PTPN13: variants seen among roughly 807,000 people sequenced by gnomAD.
The protein encoded by PTPN13 is protein tyrosine phosphatase non-receptor type 13.
In PTPN13, 191 loss-of-function variants were observed where a neutral mutation model predicts 284.0. The ratio of observed to expected loss-of-function variants is 0.67; its 90% CI spans 0.60 to 0.76. PTPN13 has a LOEUF of 0.76. Ranked by LOEUF, PTPN13 falls within the 30% of genes least tolerant of loss-of-function variation. The pLI is 0.00. For missense variants in PTPN13, 2,797 were observed against 2,939.9 expected (o/e 0.95, Z 1.12); for synonymous variants, 986 against 1,022.3 (o/e 0.96, Z 0.68).
rs1384189810 is a variant in PTPN13, at chr4:86,745,110, C to T, written c.2632C>T (p.Gln878Ter). Reference protein sequence around the residue: ...QLQMRARQSNQDAQDIERASF... With the variant: ...QLQMRARQSN Reference sequence around the variant, plus strand: ...ACAGATGAGAGCAAGACAGAGCAACCAAGATGCCCAAGATATTGGTAAGGA... The same window carrying T: ...ACAGATGAGAGCAAGACAGAGCAACTAAGATGCCCAAGATATTGGTAAGGA... The change falls in exon 17 of 48, where the codon CAA becomes TAA. Residue 878 changes from glutamine to a stop codon, truncating the protein, a stop_gained. Coordinates refer to ENST00000411767, the MANE Select transcript of PTPN13 (RefSeq NM_080683.3). LOFTEE classifies it high-confidence loss of function. 2 of 1,610,110 alleles carry T rather than the reference C, an allele frequency of 1.2e-6. No homozygotes were observed. The highest frequency in any genetic ancestry group is 1.7e-6 in the Non-Finnish European group (2 of 1,178,600).
intron 7 of PTPN13, among the ~76,000 whole-genome samples, chr4:86,705,862 G>C (rs1731706451): frequency 6.6e-6 from 1 of 151,362 alleles, no homozygotes. Context: ...CACATTCCTT[G>C]AGCTGATATA....
rs375884235 is a variant in PTPN13 at position 86,716,621 on chromosome 4, A to G, written c.1287A>G (p.Arg429=). Reference sequence around the variant, plus strand: ...TTATTTCCTCTGAATCAGATTTCAGACAAGGTAGGAGGCATCTGAAACAAG... The same window carrying G: ...TTATTTCCTCTGAATCAGATTTCAGGCAAGGTAGGAGGCATCTGAAACAAG... ...PSIISSESDF[R]QVRRSEASKR... The change falls in exon 8 of 48, where the codon AGA becomes AGG. Residue 429 remains arginine, a synonymous_variant. Transcript: ENST00000411767. 9 of 1,573,578 alleles carry G rather than the reference A, an allele frequency of 5.7e-6. No individual in the cohort carries two copies. Among genetic ancestry groups the G allele is most frequent in the Admixed American group, 1.8e-5 (1 of 55,944 alleles).
chr4:86,611,735 G>T (rs1719909868), intron 1 of PTPN13, among the ~76,000 whole-genome samples: 1 of 152,198 alleles, frequency 6.6e-6, no homozygotes, highest in Non-Finnish European at 1.5e-5. Context: ...AGGAGATGGA[G>T]CTGAAAGTCT....
At position 86,809,889 on chromosome 4, in the gene PTPN13, G is replaced by A. The variant is rs367859742; in HGVS notation, c.7204G>A (p.Gly2402Ser). ...CTACATGAGACACATCCACAGATCA[G>A]GCCCAATCATTACGCACTGCAGTGC... ...ISYMRHIHRS[G>S]PIITHCSAGI... Residue 2402 changes from glycine (G) to serine (S), a missense_variant, in exon 46 of 48, where the codon GGC becomes AGC. By Grantham distance (56) the Gly-to-Ser change is moderately conservative. Coordinates refer to ENST00000411767, the MANE Select transcript of PTPN13 (RefSeq NM_080683.3). 1 of 1,613,884 alleles carries A rather than the reference G, an allele frequency of 6.2e-7. No homozygotes were observed. Among genetic ancestry groups the A allele is most frequent in the African/African-American group, 1.3e-5 (1 of 74,926 alleles).
chr4:86,762,065 C>G (rs542590828), intron 23 of PTPN13, among the ~76,000 whole-genome samples: 1 of 152,336 alleles, frequency 6.6e-6, no homozygotes, highest in Non-Finnish European at 1.5e-5. Flanking sequence ...CTCCGCCTCC[C>G]AGGTTCAAGT....
intron 20 of PTPN13, among the ~76,000 whole-genome samples, chr4:86,755,671 G>A (rs1268897682): frequency 6.6e-6 from 1 of 151,966 alleles, no homozygotes; most frequent in Non-Finnish European, 1.5e-5. Context: ...ACAGTATTCA[G>A]TAAATTACAT....
intron 1 of PTPN13, among the ~76,000 whole-genome samples, chr4:86,595,402 A>C (rs1578215321): frequency 1.3e-5 from 2 of 152,086 alleles, no homozygotes; most frequent in Non-Finnish European, 2.9e-5. Flanking sequence ...CGCTTTGCTC[A>C]TTACGTGATA....
In PTPN13 at chr4:86,689,192, T is replaced by C; in HGVS notation, c.546+2T>C. 6.2e-7 allele frequency: 1 copy of C among 1,608,376 alleles called. No individual in the cohort carries two copies. The highest frequency in any genetic ancestry group is 8.5e-7 in the Non-Finnish European group (1 of 1,175,036). Reference sequence around the variant, plus strand: ...CTGGTTCTGGGAAATCTTTCTGGGGTAAGCTACAGTTACAATAGTAAATAT... The same window carrying C: ...CTGGTTCTGGGAAATCTTTCTGGGGCAAGCTACAGTTACAATAGTAAATAT... On this transcript the variant is annotated splice_donor_variant, in intron 5 of 47. Coordinates refer to ENST00000411767, the MANE Select transcript of PTPN13 (RefSeq NM_080683.3). LOFTEE classifies it high-confidence loss of function.
rs189243039 is a variant in PTPN13 at position 86,778,289 on chromosome 4, A to G, written c.5892-2113A>G. ...AGGATTTTACTGTACTTGCAAGCTA[A>G]TAAGCTAGCCTGTCTTTGTTACATG... On this transcript the variant is annotated intron_variant, in intron 35 of 47. Coordinates refer to ENST00000411767, the MANE Select transcript of PTPN13 (RefSeq NM_080683.3). 3.3e-4 allele frequency among the ~76,000 whole-genome samples: 50 copies of G among 152,334 alleles called. 1 individual carries two copies. The highest frequency in any genetic ancestry group is 1.2e-3 in the African/African-American group (48 of 41,574).
At chr4:86,619,049 GA>G (rs1720922849) in intron 1 of PTPN13, among the ~76,000 whole-genome samples, 1 of 152,166 alleles carries the variant, frequency 6.6e-6, no homozygotes, top group African/African-American at 2.4e-5. Context: ...CATTCAGTAT[GA>G]TACTGACTGT....
At chr4:86,710,575 G>C (rs911938379) in intron 7 of PTPN13, among the ~76,000 whole-genome samples, 2 of 152,110 alleles carry the variant, frequency 1.3e-5, no homozygotes, top group African/African-American at 4.8e-5. Context: ...TAGTGTACAT[G>C]GTCACATGCC....
At chr4:86,668,175 T>C (rs1287235051) in intron 2 of PTPN13, among the ~76,000 whole-genome samples, 7 of 152,220 alleles carry the variant, frequency 4.6e-5, no homozygotes, top group Non-Finnish European at 1.0e-4. Flanking sequence ...TCAGATTTAC[T>C]CTTTCATAAT....
chr4:86,760,865 A>G (rs1051279956), intron 23 of PTPN13, among the ~76,000 whole-genome samples: 6 of 152,058 alleles, frequency 3.9e-5, no homozygotes, highest in Non-Finnish European at 8.8e-5. Context: ...GAAAAGAGGT[A>G]AAACCCAAAA....
chr4:86,750,355 T>C, intron 17 of PTPN13, 115 bp from the exon 18 acceptor site: 1 of 968,428 alleles, frequency 1.0e-6, no homozygotes, highest in Non-Finnish European at 1.6e-6. Flanking sequence ...AGCTACCTAC[T>C]TATGCTGGCA....
At chr4:86,715,567 A>G (rs1732927281) in intron 7 of PTPN13, among the ~76,000 whole-genome samples, 1 of 152,148 alleles carries the variant, frequency 6.6e-6, no homozygotes. Context: ...ACTCCAGCCT[A>G]GGCAACAGAA....
chr4:86,766,657 T>C (rs946382736), intron 27 of PTPN13, 140 bp downstream of exon 27: 4 of 513,832 alleles, frequency 7.8e-6, no homozygotes, highest in African/African-American at 2.0e-5. Context: ...ATCTGGGTTG[T>C]TGATTTTTCC....
At chr4:86,781,438 AACATTTGGTTT>A (rs1741291438) in intron 36 of PTPN13, among the ~76,000 whole-genome samples, 1 of 152,254 alleles carries the variant, frequency 6.6e-6, no homozygotes. Flanking sequence ...AATTAAAATT[AACATTTGGTTT>A]AAAAATACAT....
chr4:86,632,969 G>A (rs372105341), intron 1 of PTPN13, among the ~76,000 whole-genome samples: 6 of 151,826 alleles, frequency 4.0e-5, no homozygotes, highest in African/African-American at 1.2e-4. Flanking sequence ...CACCATGCCC[G>A]GCTGATTTTA....
At chr4:86,737,425 T>A (rs1019809009) in intron 15 of PTPN13, among the ~76,000 whole-genome samples, 6 of 152,102 alleles carry the variant, frequency 3.9e-5, no homozygotes, top group Non-Finnish European at 8.8e-5. Flanking sequence ...TCTTTATATA[T>A]CATCTATGTC....
Sources: allele counts gnomAD v4.1 joint callset (sites outside exome capture counted in the v4.1 genomes callset), GRCh38; gene constraint gnomAD v4.1.1; transcripts MANE v1.5; gene names NCBI Gene and HGNC (gene_info 2026-07-23, HGNC 2026-07-21).